Variants in GNG4 observed in about 807,000 individuals in gnomAD.
GNG4 encodes the protein G protein subunit gamma 4.
A neutral mutation model predicts 5.8 loss-of-function variants in GNG4; 4 were observed. The observed-to-expected ratio is 0.69, with a 90% CI of 0.34 to 1.57. The LOEUF (loss-of-function observed/expected upper bound fraction) is 1.57. Among genes scored for constraint, GNG4 ranks in the 40% most tolerant of loss-of-function variants. GNG4 has a pLI of 0.06. For synonymous variants in GNG4, 29 were observed against 32.9 expected (o/e 0.88, Z 0.41); for missense variants, 96 against 95.1 (o/e 1.01, Z -0.04).
chr1:235,611,788 G>C (rs1228089699), intron 1 of GNG4, among the ~76,000 whole-genome samples: 3 of 152,212 alleles, frequency 2.0e-5, no homozygotes, highest in Non-Finnish European at 4.4e-5. Context: ...TATTGGCCAG[G>C]TGTGGTGGCT....
chr1:235,573,800 GACTC>G (rs1687411620), intron 3 of GNG4, among the ~76,000 whole-genome samples: 1 of 151,782 alleles, frequency 6.6e-6, no homozygotes, highest in Non-Finnish European at 1.5e-5. Flanking sequence ...AATAAAAAAA[GACTC>G]ACAATTGGAA....
intron 3 of GNG4, among the ~76,000 whole-genome samples, chr1:235,556,586 C>A (rs1185805000): frequency 1.3e-5 from 2 of 148,278 alleles, no homozygotes. Context: ...AAAGAGACAG[C>A]CAGAATTTGA....
intron 1 of GNG4, among the ~76,000 whole-genome samples, chr1:235,612,809 C>T (rs992021440): frequency 2.0e-5 from 3 of 152,184 alleles, no homozygotes; most frequent in African/African-American, 7.2e-5. Flanking sequence ...AGGCATGAGC[C>T]ATCATGCCCG....
intron 1 of GNG4, among the ~76,000 whole-genome samples, chr1:235,631,167 G>A (rs1688924734): frequency 6.6e-6 from 1 of 152,164 alleles, no homozygotes; most frequent in African/African-American, 2.4e-5. Context: ...CCAAAGTGCT[G>A]GGATTACAGG....
At chr1:235,596,538 C>T (rs2102957440) in intron 1 of GNG4, among the ~76,000 whole-genome samples, 1 of 152,186 alleles carries the variant, frequency 6.6e-6, no homozygotes, top group Admixed American at 6.5e-5. Flanking sequence ...AAAAAAACAC[C>T]TATTATCAAA....
chr1:235,626,841 C>G (rs1218204539), intron 1 of GNG4, among the ~76,000 whole-genome samples: 2 of 151,816 alleles, frequency 1.3e-5, no homozygotes, highest in Non-Finnish European at 2.9e-5. Context: ...TGCCTGTAAT[C>G]CCAGCTACTT....
intron 1 of GNG4, among the ~76,000 whole-genome samples, chr1:235,606,883 C>T (rs1194410196): frequency 6.6e-6 from 1 of 151,696 alleles, no homozygotes; most frequent in Non-Finnish European, 1.5e-5. Flanking sequence ...AAGCCGCATG[C>T]TCACTTCTCC....
chr1:235,609,893 A>G (rs1688443687), intron 1 of GNG4, among the ~76,000 whole-genome samples: 1 of 151,906 alleles, frequency 6.6e-6, no homozygotes, highest in South Asian at 2.1e-4. Context: ...AAAAGAAAAA[A>G]AAAGTTTCTT....
chr1:235,638,004 C>A (rs1299415846), intron 1 of GNG4, among the ~76,000 whole-genome samples: 3 of 152,230 alleles, frequency 2.0e-5, no homozygotes, highest in African/African-American at 7.2e-5. Flanking sequence ...CTCTACTTGA[C>A]CAAGAAGAGC....
intron 3 of GNG4, among the ~76,000 whole-genome samples, chr1:235,580,579 G>A (rs2102938516): frequency 6.6e-6 from 1 of 152,140 alleles, no homozygotes; most frequent in Non-Finnish European, 1.5e-5. Context: ...ACAACATTCT[G>A]TTTCCACCAA....
At chr1:235,570,754 G>A (rs1167089668) in intron 3 of GNG4, among the ~76,000 whole-genome samples, 2 of 151,646 alleles carry the variant, frequency 1.3e-5, no homozygotes, top group Non-Finnish European at 2.9e-5. Flanking sequence ...CGAGTGCAGC[G>A]CCGCAATCTC....
intron 1 of GNG4, among the ~76,000 whole-genome samples, chr1:235,624,126 G>A (rs1450569486): frequency 1.3e-5 from 2 of 148,876 alleles, no homozygotes; most frequent in East Asian, 2.0e-4. Context: ...TTTTTGAGAC[G>A]GAGTCTCGCT....
At chr1:235,586,348 C>T (rs989356198) in intron 2 of GNG4, among the ~76,000 whole-genome samples, 7 of 152,208 alleles carry the variant, frequency 4.6e-5, no homozygotes, top group African/African-American at 1.4e-4. Flanking sequence ...CTCGTGCAGG[C>T]CTTGTGCCAG....
intron 1 of GNG4, among the ~76,000 whole-genome samples, chr1:235,638,618 C>T (rs1003355539): frequency 8.5e-5 from 13 of 152,088 alleles, no homozygotes; most frequent in Non-Finnish European, 1.5e-4. Flanking sequence ...TAAGCCTTGC[C>T]TGCATTAGGT....
intron 1 of GNG4, among the ~76,000 whole-genome samples, chr1:235,647,147 G>C (rs1193584894): frequency 6.6e-6 from 1 of 152,052 alleles, no homozygotes; most frequent in Non-Finnish European, 1.5e-5. Context: ...TATTAAAGGA[G>C]TTAAATTTTG....
rs148754339 is a variant in GNG4 at position 235,625,433 on chromosome 1, C to A, written c.-123+24229G>T. On this transcript the variant is annotated intron_variant, in intron 1 of 3. Transcript: ENST00000391854. ...CATCAATGACCCAACACTGACACAT[C>A]AATATCACCTAAAGTCCATAGTTTA... Among the ~76,000 whole-genome samples, 4 of 152,312 alleles carry A rather than the reference C, an allele frequency of 2.6e-5. No homozygotes were observed. In the Middle Eastern group the frequency reaches 0.01, roughly 389 times the overall value.
chr1:235,630,948 G>A (rs1688920977), intron 1 of GNG4, among the ~76,000 whole-genome samples: 1 of 151,832 alleles, frequency 6.6e-6, no homozygotes, highest in Non-Finnish European at 1.5e-5. Context: ...ACCCCGGCTG[G>A]AGTGCCGTGG....
chr1:235,559,416 G>A (rs1687000868), intron 3 of GNG4, among the ~76,000 whole-genome samples: 1 of 152,078 alleles, frequency 6.6e-6, no homozygotes. Context: ...ACTGCAGGGT[G>A]AACTCTTGTG....
chr1:235,629,780 T>C (rs10737847), intron 1 of GNG4, among the ~76,000 whole-genome samples: 88,076 of 151,634 alleles, frequency 0.58, 27,876 homozygotes, highest in African/African-American at 0.82. Context: ...TTAGTAAAGA[T>C]GGGGTTTTAC....
Sources: allele counts gnomAD v4.1 joint callset (sites outside exome capture counted in the v4.1 genomes callset), GRCh38; gene constraint gnomAD v4.1.1; transcripts MANE v1.5; gene names NCBI Gene and HGNC (gene_info 2026-07-23, HGNC 2026-07-21).